CKAP2: variants seen among roughly 807,000 people sequenced by gnomAD.
CKAP2 encodes cytoskeleton-associated protein 2.
Under a neutral mutation model 58.4 loss-of-function variants are expected in CKAP2, and 46 were observed. That is an observed-to-expected ratio of 0.79 (90% CI 0.62 to 1.01). The LOEUF is 1.01. Among genes scored for constraint, CKAP2 ranks in the 50% least tolerant of loss-of-function variants. The probability of loss-of-function intolerance (pLI) is 0.00; values close to 1 mark genes in which losing one functional copy is unlikely to be tolerated. For synonymous variants in CKAP2, 293 were observed against 280.9 expected, an observed-to-expected ratio of 1.04 and a Z score of -0.43; for missense variants, 809 against 796.4, an observed-to-expected ratio of 1.02 and a Z score of -0.19.
chr13:52,455,722 C>T (rs1462269805), intron 1 of CKAP2, 96 bp downstream of exon 1: 3 of 1,287,902 alleles, frequency 2.3e-6, no homozygotes, highest in Non-Finnish European at 3.0e-6. Flanking sequence ...GCGCGCTTCA[C>T]CTCTCCCCCG....
intron 2 of CKAP2, among the ~76,000 whole-genome samples, chr13:52,460,470 AGT>A (rs1958552424): frequency 6.6e-6 from 1 of 151,190 alleles, no homozygotes; most frequent in Non-Finnish European, 1.5e-5. Context: ...TTTGAGACAG[AGT>A]CTCTCTCTGT....
In CKAP2 at chr13:52,461,881, T is replaced by C. The variant is rs201553403; in HGVS notation, c.1055T>C (p.Val352Ala). The change falls in exon 4 of 9, where the codon GTT becomes GCT. Residue 352 changes from valine (V) to alanine (A), a missense_variant. By Grantham distance (64) the Val-to-Ala change is moderately conservative. This residue lies in a region of CKAP2 where 523 missense variants were observed against 492.4 expected (regional missense o/e 1.06). Coordinates refer to ENST00000258607, the MANE Select transcript of CKAP2 (RefSeq NM_018204.5). ...QRRHTAGKAI[V>A]DSRSAQPKET... ...AGACATACTGCAGGAAAAGCAATTG[T>C]TGATAGTAGATCAGCTCAGCCCAAA... is the stretch of plus-strand genomic sequence containing the variant. 6.0e-5 allele frequency: 97 copies of C among 1,613,842 alleles called. No individual in the cohort carries two copies. In the East Asian group the frequency reaches 1.2e-3, roughly 20 times the overall value.
chr13:52,464,723 C>G (rs563148139), intron 5 of CKAP2, among the ~76,000 whole-genome samples: 3 of 151,960 alleles, frequency 2.0e-5, no homozygotes, highest in Admixed American at 6.5e-5. Flanking sequence ...CCTGACTGCT[C>G]TTTAATCTTG....
chr13:52,464,667 A>C (rs1304310534), intron 5 of CKAP2, among the ~76,000 whole-genome samples: 1 of 151,968 alleles, frequency 6.6e-6, no homozygotes, highest in African/African-American at 2.4e-5. Context: ...TATAATAATC[A>C]GCTCCAGAAC....
intron 2 of CKAP2, among the ~76,000 whole-genome samples, chr13:52,459,821 C>G (rs1958541991): frequency 6.6e-6 from 1 of 152,122 alleles, no homozygotes; most frequent in African/African-American, 2.4e-5. Context: ...TAAGTTAAGT[C>G]AGTTTCTTGA....
rs1161878465 is a variant in CKAP2 at position 52,455,519 on chromosome 13, C to T, written c.-38C>T. 2 of 1,611,434 alleles carry T rather than the reference C, an allele frequency of 1.2e-6. No homozygotes were observed. Among genetic ancestry groups the T allele is most frequent in the South Asian group, 2.2e-5 (2 of 91,068 alleles). On this transcript the variant is annotated 5_prime_UTR_variant, in exon 1 of 9. Transcript: ENST00000258607. ...GTGGTCTGAGGAAGTTCTATCTTGG[C>T]GCTAAAGCGGAGACGCATCCCCCGA...
At chr13:52,456,662 A>C (rs372841534) in intron 2 of CKAP2, 55 bp downstream of exon 2, 1 of 1,339,032 alleles carries the variant, frequency 7.5e-7, no homozygotes, top group Non-Finnish European at 1.1e-6. Context: ...GATCTGTCCA[A>C]TGAAAATGTA....
chr13:52,458,776 G>A (rs186163699), intron 2 of CKAP2, among the ~76,000 whole-genome samples: 1,848 of 151,914 alleles, frequency 0.012, 23 homozygotes, highest in Non-Finnish European at 0.019. Context: ...AGAATCGCTT[G>A]AACCTGGGAG....
Position 52,456,429 on chromosome 13 carries a change from T to C in CKAP2, c.71-94T>C, listed in dbSNP as rs564927918. ...ATGTGACCTCAGGTGGAACCAGCTT[T>C]GGAAGTAAACTCTTCATTTAGTCAA... On this transcript the variant is annotated intron_variant, in intron 1 of 8. Coordinates refer to ENST00000258607, the MANE Select transcript of CKAP2 (RefSeq NM_018204.5). 5.9e-6 allele frequency: 6 copies of C among 1,024,114 alleles called. No individual in the cohort carries two copies. The South Asian group carries it at 7.2e-5, about 12-fold the overall frequency. The allele number at this position is 1,024,114 out of a possible 1,614,324, so 63.4% of individuals were successfully genotyped here.
rs1445186479 is a variant in CKAP2 at position 52,469,103 on chromosome 13, T to A, written c.1546+756T>A. Among the ~76,000 whole-genome samples the A allele has an allele frequency of 2.0e-5, 3 of 152,232 alleles. No homozygotes were observed. The East Asian group carries it at 5.8e-4, about 29-fold the overall frequency. On this transcript the variant is annotated intron_variant, in intron 7 of 8. Transcript: ENST00000258607. ...TGTGAGATGGTATTTCATTGTGAATTGTAGTTTTATTGTTTCTTTGCTGAA... is the reference window on the plus strand; with the variant it reads ...TGTGAGATGGTATTTCATTGTGAATAGTAGTTTTATTGTTTCTTTGCTGAA...
chr13:52,465,327 G>GA lies in CKAP2; in HGVS notation c.1340dup (p.Asn447LysfsTer2). The GA allele has an allele frequency of 2.5e-6, 4 of 1,613,366 alleles. No homozygotes were observed. Among genetic ancestry groups the GA allele is most frequent in the Non-Finnish European group, 3.4e-6 (4 of 1,179,674 alleles). ...CAAAAGAAGATATACTGGTCACACT[G>GA]AATGACCTGATTAAAAATATTCCAG... is the stretch of plus-strand genomic sequence containing the variant. On this transcript the variant is annotated frameshift_variant, in exon 6 of 9. Transcript: ENST00000258607. LOFTEE classifies it high-confidence loss of function.
Position 52,455,478 on chromosome 13 carries a change from G to A in CKAP2, c.-79G>A. The stretch of plus-strand genomic sequence containing the variant: ...CGCCGTCTGACGGCTTAGCCGCGGT[G>A]CAGACTGCGGCGGCGGTGGTCTGAG... On this transcript the variant is annotated 5_prime_UTR_variant, in exon 1 of 9. Coordinates refer to ENST00000258607, the MANE Select transcript of CKAP2 (RefSeq NM_018204.5). The A allele has an allele frequency of 6.5e-7, 1 of 1,547,370 alleles. No individual in the cohort carries two copies. The highest frequency in any genetic ancestry group is 8.9e-7 in the Non-Finnish European group (1 of 1,120,782).
Position 52,475,273 on chromosome 13 carries a change from C to A in CKAP2, c.*132C>A. 1 of 1,070,808 alleles carries A rather than the reference C, an allele frequency of 9.3e-7. No individual in the cohort carries two copies. The highest frequency in any genetic ancestry group is 1.3e-6 in the Non-Finnish European group (1 of 755,256). 66.3% of individuals were successfully genotyped at this position (1,070,808 alleles called of 1,614,324 possible). A position where few individuals can be genotyped will look rare whatever the true frequency, so the allele number is the denominator to read the frequency against. On this transcript the variant is annotated 3_prime_UTR_variant, in exon 9 of 9. Coordinates refer to ENST00000258607, the MANE Select transcript of CKAP2 (RefSeq NM_018204.5). ...TATCCTAAGCATTCACGGCAGTGAG[C>A]TCCTTTACTAACATTCATGTTATGG...
chr13:52,456,836 G>A (rs1958491452), intron 2 of CKAP2, among the ~76,000 whole-genome samples: 1 of 152,194 alleles, frequency 6.6e-6, no homozygotes, highest in Middle Eastern at 3.4e-3. Context: ...CAAGCACTCA[G>A]TAGCCACATT....
intron 1 of CKAP2, 79 bp from the exon 2 acceptor site, chr13:52,456,444 C>A (rs1594131653): frequency 8.7e-7 from 1 of 1,144,642 alleles, no homozygotes; most frequent in South Asian, 1.3e-5. Context: ...GTAAACTCTT[C>A]ATTTAGTCAA....
rs1275681281 is a variant in CKAP2 at position 52,461,760 on chromosome 13, ACT to A, written c.937_938del (p.Leu313IlefsTer7). ...TTCTCAAGGTATAATAAGAAATAAG[ACT>A]CTATCAAGATCCATAGCATCTGAAG... Reference protein sequence around the residue: ...SSSQGIIRNKTLSRSIASEVI... With the variant: ...SSSQGIIRNKXLSRSIASEVI... On this transcript the variant is annotated frameshift_variant, in exon 4 of 9. Coordinates refer to ENST00000258607, the MANE Select transcript of CKAP2 (RefSeq NM_018204.5). LOFTEE classifies it high-confidence loss of function. The A allele has an allele frequency of 5.0e-6, 8 of 1,613,824 alleles. No homozygotes were observed. Among genetic ancestry groups the A allele is most frequent in the African/African-American group, 2.7e-5 (2 of 74,992 alleles).
intron 1 of CKAP2, chr13:52,455,924 G>A: frequency 8.6e-7 from 1 of 1,163,358 alleles, no homozygotes; most frequent in South Asian, 3.3e-5. Flanking sequence ...CGGTGTCGGA[G>A]ACCCTGGGTC....
chr13:52,457,769 G>A (rs983173657), intron 2 of CKAP2, among the ~76,000 whole-genome samples: 4 of 152,056 alleles, frequency 2.6e-5, no homozygotes, highest in Non-Finnish European at 5.9e-5. Flanking sequence ...CAGGAGAATC[G>A]CTTGAACCTG....
At chr13:52,459,086 T>C (rs1301613273) in intron 2 of CKAP2, among the ~76,000 whole-genome samples, 1 of 152,040 alleles carries the variant, frequency 6.6e-6, no homozygotes, top group Admixed American at 6.6e-5. Flanking sequence ...GTGAGTAAGA[T>C]GGGTTCTTCT....
Sources: gnomAD v4.1 joint callset for allele counts (sites outside exome capture counted in the v4.1 genomes callset) on GRCh38, gnomAD v4.1.1 for gene constraint, gnomAD v4.1.1 regional missense constraint, MANE v1.5 for transcripts, NCBI Gene and HGNC (gene_info 2026-07-23, HGNC 2026-07-21) for gene names.